Variants in GCN1 observed in about 807,000 individuals in gnomAD.
The protein encoded by GCN1 is GCN1 activator of EIF2AK4, also known as stalled ribosome sensor GCN1.
A neutral mutation model predicts 288.4 loss-of-function variants in GCN1; 90 were observed. The ratio of observed to expected loss-of-function variants is 0.31; its 90% CI spans 0.26 to 0.37. The LOEUF is 0.37. Among genes scored for constraint, GCN1 ranks in the 10% least tolerant of loss-of-function variants. GCN1 has a pLI of 1.00. For missense variants in GCN1, 2,586 were observed against 3,419.9 expected, an observed-to-expected ratio of 0.76 and a Z score of 6.08; for synonymous variants, 1,386 against 1,420.2, an observed-to-expected ratio of 0.98 and a Z score of 0.54.
Position 120,164,684 on chromosome 12 carries a change from G to GA in GCN1, c.1649dup (p.Leu551ProfsTer2). 2 of 1,613,772 alleles carry GA rather than the reference G, an allele frequency of 1.2e-6. No homozygotes were observed. The highest frequency in any genetic ancestry group is 1.7e-6 in the Non-Finnish European group (2 of 1,179,670). ...CAGTGAGTCTATGCGGGTGGTCAAG[G>GA]AAAAGTCTCTCTGTCAGATGCAACA... is the stretch of plus-strand genomic sequence containing the variant. On this transcript the variant is annotated frameshift_variant, in exon 17 of 58. Coordinates refer to ENST00000300648, the MANE Select transcript of GCN1 (RefSeq NM_006836.2). LOFTEE classifies it high-confidence loss of function.
chr12:120,127,882 G>A lies in GCN1; in HGVS notation c.7983C>T (p.Ser2661=), dbSNP rs1353754186. The A allele has an allele frequency of 1.2e-6, 2 of 1,613,976 alleles. No homozygotes were observed. Among genetic ancestry groups the A allele is most frequent in the Non-Finnish European group, 8.5e-7 (1 of 1,179,810 alleles). The change falls in exon 58 of 58, where the codon TCC becomes TCT. Residue 2661 remains serine, a synonymous_variant. Coordinates refer to ENST00000300648, the MANE Select transcript of GCN1 (RefSeq NM_006836.2). ...GGATGGTGTCGTCCACCTGCTCCGT[G>A]GAGTCGGCCTGGCTGGCCAGCTTCT... The part of the protein sequence containing the change: ...SLKKLASQAD[S]TEQVDDTILT
At chr12:120,151,024 C>A in intron 34 of GCN1, 121 bp downstream of exon 34, 2 of 1,064,538 alleles carry the variant, frequency 1.9e-6, no homozygotes, top group Admixed American at 2.0e-5. Flanking sequence ...CACAGCGGGG[C>A]CCTCTGTAGT....
At chr12:120,191,730 C>G (rs1278945928) in intron 1 of GCN1, among the ~76,000 whole-genome samples, 6 of 152,192 alleles carry the variant, frequency 3.9e-5, no homozygotes, top group Admixed American at 1.3e-4. Flanking sequence ...TAGATGCACA[C>G]AGAGTCAAAA....
chr12:120,168,874 C>G (rs1330470900), intron 15 of GCN1, among the ~76,000 whole-genome samples: 2 of 152,168 alleles, frequency 1.3e-5, no homozygotes, highest in East Asian at 3.8e-4. Flanking sequence ...CTTAGCATTC[C>G]CCCAGGTAGC....
intron 5 of GCN1, among the ~76,000 whole-genome samples, chr12:120,179,458 G>T (rs1594286747): frequency 1.3e-5 from 2 of 149,618 alleles, no homozygotes; most frequent in African/African-American, 2.5e-5. Context: ...GGAGTGCAGT[G>T]GTGCGATCTC....
chr12:120,141,189 G>A (rs1877183950), intron 44 of GCN1, among the ~76,000 whole-genome samples, 166 bp from the exon 45 acceptor site: 1 of 152,140 alleles, frequency 6.6e-6, no homozygotes, highest in Admixed American at 6.5e-5. Flanking sequence ...ACTCTCTGTA[G>A]TGCTTGCAAA....
In GCN1 at chr12:120,158,027, G is replaced by A. The variant is rs1877807432; in HGVS notation, c.2909C>T (p.Ala970Val). Reference protein sequence around the residue: ...TSRVGKGEPGAAPLSAPAFSL... With the variant: ...TSRVGKGEPGVAPLSAPAFSL... ...GAAGGCTGGCGCGGACAAGGGCGCA[G>A]CACCTGTGAGAGCGAGAAGCAGATA... Residue 970 changes from alanine to valine, a missense_variant, in exon 26 of 58, where the codon GCT becomes GTT. By Grantham distance (64) the Ala-to-Val change is moderately conservative. This residue lies in a region of GCN1 where 153 missense variants were observed against 252.0 expected (regional missense o/e 0.61). Transcript: ENST00000300648. This position sits in a 1 kb window ranked among gnomAD's most constrained non-coding sequence, Gnocchi z 4.3. The A allele has an allele frequency of 6.2e-7, 1 of 1,613,524 alleles. No homozygotes were observed. Among genetic ancestry groups the A allele is most frequent in the Admixed American group, 1.7e-5 (1 of 60,010 alleles).
rs994046263 is a variant in GCN1 at position 120,155,453 on chromosome 12, G to A, written c.3441-23C>T. ...AGCCTGTGGGAGATCCAAGGCAGGG[G>A]CTGCTTAGACAAAGATCTGCAGCAC... On this transcript the variant is annotated intron_variant, in intron 29 of 57. Coordinates refer to ENST00000300648, the MANE Select transcript of GCN1 (RefSeq NM_006836.2). The surrounding 1 kb of genome is among the most constrained non-coding windows in gnomAD (Gnocchi z 4.9). 3.7e-6 allele frequency: 6 copies of A among 1,609,902 alleles called. No individual in the cohort carries two copies. The Admixed American group carries it at 6.7e-5, about 18-fold the overall frequency.
At chr12:120,176,845 C>T (rs1878496043) in intron 9 of GCN1, among the ~76,000 whole-genome samples, 2 of 152,150 alleles carry the variant, frequency 1.3e-5, no homozygotes, top group Admixed American at 6.5e-5. Context: ...TGCCTCACTG[C>T]AACCTCCACC....
chr12:120,145,924 G>A (rs904648487), intron 38 of GCN1, among the ~76,000 whole-genome samples: 10 of 152,066 alleles, frequency 6.6e-5, no homozygotes, highest in African/African-American at 2.4e-4. Context: ...TATAACTTGG[G>A]AATAAGTTTT....
rs1157169299 is a variant in GCN1, at chr12:120,146,996, C to T, written c.4947+56G>A. 5 of 1,075,324 alleles carry T rather than the reference C, an allele frequency of 4.6e-6. No individual in the cohort carries two copies. In the Admixed American group the frequency reaches 1.1e-4, roughly 24 times the overall value. 66.6% of individuals were successfully genotyped at this position (1,075,324 alleles called of 1,614,324 possible). A position where few individuals can be genotyped will look rare whatever the true frequency, so the allele number is the denominator to read the frequency against. The stretch of plus-strand genomic sequence containing the variant: ...TAATGTGGGGACTCTGCACCTCTGA[C>T]TCTGCACTCAAACATCTTCTGGTCT... On this transcript the variant is annotated intron_variant, in intron 38 of 57. Coordinates refer to ENST00000300648, the MANE Select transcript of GCN1 (RefSeq NM_006836.2).
intron 5 of GCN1, 86 bp from the exon 6 acceptor site, chr12:120,179,036 A>G: frequency 9.1e-7 from 1 of 1,095,614 alleles, no homozygotes; most frequent in Middle Eastern, 2.2e-4. Flanking sequence ...GACCTCCATC[A>G]GACCCTCCAA....
At chr12:120,132,326 C>G (rs945335234) in intron 53 of GCN1, among the ~76,000 whole-genome samples, 3 of 151,804 alleles carry the variant, frequency 2.0e-5, no homozygotes, top group African/African-American at 7.3e-5. Context: ...TAGCATCTTT[C>G]TTCTTAGGAA....
chr12:120,168,438 G>A, intron 15 of GCN1, 138 bp from the exon 16 acceptor site: 1 of 651,256 alleles, frequency 1.5e-6, no homozygotes. Flanking sequence ...TCTTCCATTT[G>A]GGGAACTGAC....
intron 51 of GCN1, 44 bp downstream of exon 51, chr12:120,136,458 C>A (rs1566298111): frequency 5.5e-6 from 8 of 1,450,044 alleles, no homozygotes; most frequent in Non-Finnish European, 7.8e-6. Flanking sequence ...CTCCTGCAGA[C>A]AGACCTGTTC....
intron 4 of GCN1, 79 bp downstream of exon 4, chr12:120,184,033 T>C: frequency 7.7e-7 from 1 of 1,301,018 alleles, no homozygotes; most frequent in East Asian, 2.3e-5. Flanking sequence ...CTCCTCCCTC[T>C]GGTGCACAGT....
rs1877836960 is a variant in GCN1 at position 120,158,843 on chromosome 12, T to A, written c.2750-228A>T. On this transcript the variant is annotated intron_variant, in intron 24 of 57. Coordinates refer to ENST00000300648, the MANE Select transcript of GCN1 (RefSeq NM_006836.2). This position sits in a 1 kb window ranked among gnomAD's most constrained non-coding sequence, Gnocchi z 4.3. ...CTGGCTAACACGGTGAAACCCCATC[T>A]CTACTAAAAATACAAAAAATTAGCT... is the stretch of plus-strand genomic sequence containing the variant. 2.0e-5 allele frequency among the ~76,000 whole-genome samples: 3 copies of A among 151,924 alleles called. No individual in the cohort carries two copies. The highest frequency in any genetic ancestry group is 7.3e-5 in the African/African-American group (3 of 41,358).
chr12:120,183,808 C>A, intron 4 of GCN1, 131 bp from the exon 5 acceptor site: 1 of 641,336 alleles, frequency 1.6e-6, no homozygotes, highest in Non-Finnish European at 2.8e-6. Flanking sequence ...AAACAAGTTC[C>A]CCACAAACCA....
chr12:120,176,848 C>A (rs1878496231), intron 9 of GCN1, among the ~76,000 whole-genome samples: 1 of 152,106 alleles, frequency 6.6e-6, no homozygotes, highest in Non-Finnish European at 1.5e-5. Context: ...CTCACTGCAA[C>A]CTCCACCTCC....
Sources: allele counts gnomAD v4.1 joint callset (sites outside exome capture counted in the v4.1 genomes callset), GRCh38; gene constraint gnomAD v4.1.1; regional missense constraint gnomAD v4.1.1; non-coding constraint Gnocchi (gnomAD v3.1); transcripts MANE v1.5; gene names NCBI Gene and HGNC (gene_info 2026-07-23, HGNC 2026-07-21).